The following CNTN6 variants were observed in gnomAD, a reference collection of about 807,000 sequenced individuals.
CNTN6 encodes contactin-6.
CNTN6 carries 137 observed loss-of-function variants against 122.8 expected under a neutral mutation model. The observed-to-expected ratio is 1.12, with a 90% confidence interval of 0.97 to 1.29. The LOEUF (loss-of-function observed/expected upper bound fraction) is 1.29, where lower values mean the gene tolerates loss of function less well. CNTN6 is among the 50% of genes most tolerant of loss of function. The probability of loss-of-function intolerance (pLI) is 0.00; values close to 1 mark genes in which losing one functional copy is unlikely to be tolerated. For missense variants in CNTN6, 1,634 were observed against 1,223.4 expected, an observed-to-expected ratio of 1.34 and a Z score of -5.01; for synonymous variants, 570 against 426.0, an observed-to-expected ratio of 1.34 and a Z score of -4.16.
chr3:1,178,575 T>C (rs2093495694), intron 2 of CNTN6, among the ~76,000 whole-genome samples: 1 of 152,220 alleles, frequency 6.6e-6, no homozygotes, highest in Non-Finnish European at 1.5e-5. Context: ...TCTGGTTCTG[T>C]TGATTGCTTT....
At position 1,227,877 on chromosome 3, in the gene CNTN6, G is replaced by T; in HGVS notation, c.242G>T (p.Gly81Val). Reference sequence around the variant, plus strand: ...ATGAGTTATCACTACAGGTTGGATGGAGGCAGTCTTGCAATCAATAGCCCC... The same window carrying T: ...ATGAGTTATCACTACAGGTTGGATGTAGGCAGTCTTGCAATCAATAGCCCC... The part of the protein sequence containing the change: ...FTMSYHYRLD[G>V]GSLAINSPHT... Residue 81 changes from glycine (G) to valine (V), a missense_variant, in exon 4 of 23, where the codon GGA becomes GTA. Physicochemically the swap from Gly to Val is moderately radical, Grantham distance 109 (BLOSUM62 -3). Transcript: ENST00000446702. The T allele has an allele frequency of 1.2e-6, 2 of 1,614,016 alleles. No individual in the cohort carries two copies. The highest frequency in any genetic ancestry group is 1.7e-6 in the Non-Finnish European group (2 of 1,179,986).
intron 7 of CNTN6, 147 bp from the exon 8 acceptor site, chr3:1,321,503 G>A (rs899900663): frequency 1.3e-5 from 9 of 700,184 alleles, no homozygotes; most frequent in Middle Eastern, 6.2e-4. Flanking sequence ...AGTGAATGGC[G>A]AATGATTGCA....
intron 4 of CNTN6, among the ~76,000 whole-genome samples, chr3:1,260,510 C>A (rs1396010594): frequency 6.6e-6 from 1 of 152,052 alleles, no homozygotes; most frequent in African/African-American, 2.4e-5. Flanking sequence ...AACCACATCA[C>A]CCTTCTTAAT....
intron 2 of CNTN6, among the ~76,000 whole-genome samples, chr3:1,177,898 A>C (rs1320485038): frequency 7.5e-6 from 1 of 133,416 alleles, no homozygotes; most frequent in Non-Finnish European, 1.6e-5. Flanking sequence ...TGCCCTTTCC[A>C]TTTTTTTTTT....
chr3:1,377,502 C>T (rs1710049413), intron 17 of CNTN6, among the ~76,000 whole-genome samples: 1 of 152,120 alleles, frequency 6.6e-6, no homozygotes, highest in Non-Finnish European at 1.5e-5. Flanking sequence ...TAGATGAAAG[C>T]TTAGGCACAT....
At chr3:1,167,217 G>A (rs935830112) in intron 2 of CNTN6, among the ~76,000 whole-genome samples, 4 of 152,024 alleles carry the variant, frequency 2.6e-5, no homozygotes, top group African/African-American at 9.7e-5. Flanking sequence ...TGTGTGGCAG[G>A]GCAAGCTACT....
At chr3:1,389,862 A>G (rs1428812849) in intron 20 of CNTN6, among the ~76,000 whole-genome samples, 1 of 151,718 alleles carries the variant, frequency 6.6e-6, no homozygotes, top group African/African-American at 2.4e-5. Context: ...AGAGCTAACT[A>G]TCCTAAATAT....
At chr3:1,239,411 C>T (rs988416567) in intron 4 of CNTN6, among the ~76,000 whole-genome samples, 1 of 150,348 alleles carries the variant, frequency 6.7e-6, no homozygotes, top group African/African-American at 2.5e-5. Context: ...AACTCCACCC[C>T]TTTCACAATA....
rs1170856283 is a variant in CNTN6, at chr3:1,242,065, C to T, written c.358+14072C>T. ...TGGGGTTTGAGAGATCAGTCGGACA[C>T]GATTGGCAGGGAAAGCACGTGTGTT... On this transcript the variant is annotated intron_variant, in intron 4 of 22. Coordinates refer to ENST00000446702, the MANE Select transcript of CNTN6 (RefSeq NM_001289080.2). 3.9e-5 allele frequency among the ~76,000 whole-genome samples: 6 copies of T among 152,094 alleles called. No individual in the cohort carries two copies. The East Asian group carries it at 5.8e-4, about 15-fold the overall frequency.
At chr3:1,276,570 C>CTTCT (rs1414970046) in intron 4 of CNTN6, among the ~76,000 whole-genome samples, 2 of 152,156 alleles carry the variant, frequency 1.3e-5, no homozygotes, top group Non-Finnish European at 2.9e-5. Flanking sequence ...ACAACACTGG[C>CTTCT]TTCTATTCAG....
chr3:1,325,934 G>A lies in CNTN6; in HGVS notation c.1066G>A (p.Glu356Lys). 6.2e-7 allele frequency: 1 copy of A among 1,610,988 alleles called. No homozygotes were observed. ...TTGGTATACATGGTTAAAAAATGGT[G>A]AACGACTCAACCCAGAGGTAAGCAA... ...NPWYTWLKNG[E>K]RLNPEERIQI... is the part of the protein sequence containing the mutation. Residue 356 changes from glutamate (E) to lysine (K), a missense_variant, in exon 9 of 23, where the codon GAA (glutamate) becomes AAA (lysine). Physicochemically the swap from Glu to Lys is moderately conservative, Grantham distance 56 (BLOSUM62 1). Coordinates refer to ENST00000446702, the MANE Select transcript of CNTN6 (RefSeq NM_001289080.2).
chr3:1,122,083 T>C (rs17033933), intron 1 of CNTN6, among the ~76,000 whole-genome samples: 3,201 of 151,870 alleles, frequency 0.021, 116 homozygotes, highest in African/African-American at 0.073. Flanking sequence ...AAATGAATTA[T>C]TTTTTTGCAA....
At chr3:1,356,414 A>T (rs1266629307) in intron 12 of CNTN6, among the ~76,000 whole-genome samples, 2 of 151,786 alleles carry the variant, frequency 1.3e-5, no homozygotes, top group Non-Finnish European at 2.9e-5. Context: ...AGAAGTCTTT[A>T]TTATACCAGC....
chr3:1,110,537 A>G (rs1365262633), intron 1 of CNTN6, among the ~76,000 whole-genome samples: 1 of 152,154 alleles, frequency 6.6e-6, no homozygotes, highest in Non-Finnish European at 1.5e-5. Flanking sequence ...GTATCTTTCA[A>G]AGCTGGCAAA....
intron 4 of CNTN6, among the ~76,000 whole-genome samples, chr3:1,276,459 T>G (rs1218754289): frequency 6.6e-6 from 1 of 152,232 alleles, no homozygotes; most frequent in Non-Finnish European, 1.5e-5. Context: ...CAATCCATTT[T>G]ATTTGTATTT....
intron 4 of CNTN6, among the ~76,000 whole-genome samples, chr3:1,248,756 G>A (rs891326203): frequency 1.3e-5 from 2 of 152,038 alleles, no homozygotes; most frequent in African/African-American, 2.4e-5. Flanking sequence ...AGAGGCGGAG[G>A]TTGCAGTGAG....
chr3:1,176,720 G>C (rs957682262), intron 2 of CNTN6, among the ~76,000 whole-genome samples: 2 of 152,092 alleles, frequency 1.3e-5, no homozygotes. Context: ...AAGTAAAATT[G>C]AATTTACTAA....
At chr3:1,162,294 A>T (rs77812837) in intron 2 of CNTN6, among the ~76,000 whole-genome samples, 1 of 32,544 alleles carries the variant, frequency 3.1e-5, no homozygotes, top group East Asian at 2.1e-3. Context: ...CCTTGTTTGT[A>T]TTGTTTTGTT....
intron 2 of CNTN6, among the ~76,000 whole-genome samples, chr3:1,168,776 C>T (rs1275087084): frequency 1.3e-5 from 2 of 151,988 alleles, no homozygotes; most frequent in East Asian, 3.9e-4. Context: ...TCTCTAAGCA[C>T]AGAGCAATTT....
Sources: allele counts gnomAD v4.1 joint callset (sites outside exome capture counted in the v4.1 genomes callset), GRCh38; gene constraint gnomAD v4.1.1; transcripts MANE v1.5; gene names NCBI Gene and HGNC (gene_info 2026-07-23, HGNC 2026-07-21).